The following PTPRD variants were observed in gnomAD, a reference collection of about 807,000 sequenced individuals.
The protein encoded by PTPRD is receptor-type tyrosine-protein phosphatase delta.
In PTPRD, 34 loss-of-function variants were observed where a neutral mutation model predicts 214.5. The ratio of observed to expected loss-of-function variants is 0.16; its 90% CI spans 0.12 to 0.21. The LOEUF is 0.21. PTPRD is among the 10% of genes least tolerant of loss of function. The probability of loss-of-function intolerance (pLI) is 1.00; values close to 1 mark genes in which losing one functional copy is unlikely to be tolerated. For missense variants in PTPRD, 2,545 were observed against 2,398.7 expected (o/e 1.06, Z -1.27); for synonymous variants, 1,128 against 845.7 (o/e 1.33, Z -5.79).
At chr9:9,835,596 T>A (rs1190001660) in intron 5 of PTPRD, among the ~76,000 whole-genome samples, 1 of 152,136 alleles carries the variant, frequency 6.6e-6, no homozygotes, top group Non-Finnish European at 1.5e-5. Context: ...CTCATCTTCT[T>A]TTGACAAATA....
chr9:8,562,515 C>A (rs889915161), intron 14 of PTPRD, among the ~76,000 whole-genome samples: 1 of 152,052 alleles, frequency 6.6e-6, no homozygotes, highest in African/African-American at 2.4e-5. Context: ...CAGCTCCCTG[C>A]AACCTCGAAC....
At chr9:10,073,426 A>G (rs1259004399) in intron 3 of PTPRD, among the ~76,000 whole-genome samples, 5 of 152,166 alleles carry the variant, frequency 3.3e-5, no homozygotes, top group Non-Finnish European at 7.4e-5. Flanking sequence ...TGTCACAGCC[A>G]AGAGGAGCCT....
At chr9:8,339,824 T>G (rs1171797117) in intron 42 of PTPRD, among the ~76,000 whole-genome samples, 1 of 136,818 alleles carries the variant, frequency 7.3e-6, no homozygotes, top group East Asian at 2.1e-4. Flanking sequence ...AATACTATTT[T>G]ATGTGTATTT....
chr9:9,060,037 A>G (rs1001368985), intron 10 of PTPRD, among the ~76,000 whole-genome samples: 10 of 152,294 alleles, frequency 6.6e-5, no homozygotes, highest in African/African-American at 2.4e-4. Context: ...GTTTGTATGT[A>G]TTGTTGGCAC....
chr9:8,726,072 T>G (rs1013011337), intron 12 of PTPRD, among the ~76,000 whole-genome samples: 2 of 145,808 alleles, frequency 1.4e-5, no homozygotes, highest in Non-Finnish European at 3.0e-5. Flanking sequence ...CACAGTTTAG[T>G]GAAGAAATAA....
intron 7 of PTPRD, among the ~76,000 whole-genome samples, chr9:9,635,482 T>C (rs1040989761): frequency 3.9e-5 from 6 of 152,160 alleles, no homozygotes; most frequent in East Asian, 1.9e-4. Flanking sequence ...CCAAGAGTGA[T>C]TGGTCACTCA....
At position 10,276,872 on chromosome 9, in the gene PTPRD, T is replaced by C. The variant is rs533558576; in HGVS notation, c.-545+64091A>G. Among the ~76,000 whole-genome samples, 11 of 152,338 alleles carry C rather than the reference T, an allele frequency of 7.2e-5. No homozygotes were observed. The South Asian group carries it at 2.3e-3, about 32-fold the overall frequency. On this transcript the variant is annotated intron_variant, in intron 3 of 45. Coordinates refer to ENST00000381196, the MANE Select transcript of PTPRD (RefSeq NM_002839.4). ...AGATCACCATGACTTTCTCTGCTCTTCTTTGAGTACACAAACTATACAAAG... is the reference window on the plus strand; with the variant it reads ...AGATCACCATGACTTTCTCTGCTCTCCTTTGAGTACACAAACTATACAAAG...
At chr9:8,964,613 C>A (rs560055139) in intron 11 of PTPRD, among the ~76,000 whole-genome samples, 4 of 151,728 alleles carry the variant, frequency 2.6e-5, no homozygotes, top group African/African-American at 9.7e-5. Flanking sequence ...TTGGTTTTGT[C>A]TTGTTTTTCT....
intron 2 of PTPRD, among the ~76,000 whole-genome samples, chr9:10,438,783 T>C (rs1271687310): frequency 4.6e-5 from 7 of 151,720 alleles, no homozygotes; most frequent in African/African-American, 7.3e-5. Context: ...CTCCTTATAG[T>C]AGAGAGCTCA....
intron 3 of PTPRD, among the ~76,000 whole-genome samples, chr9:10,132,946 C>A (rs1048743434): frequency 1.1e-4 from 8 of 73,374 alleles, no homozygotes; most frequent in Non-Finnish European, 1.7e-4. Flanking sequence ...TGATATGTCA[C>A]TTCCAAGATT....
Position 9,260,739 on chromosome 9 carries a change from G to A in PTPRD, c.-202-77376C>T, listed in dbSNP as rs191401161. Reference sequence around the variant, plus strand: ...TTCAATTAATAGAATAGAATAGTGCGGGTGAAATAAAATGGTAGACGACAC... The same window carrying A: ...TTCAATTAATAGAATAGAATAGTGCAGGTGAAATAAAATGGTAGACGACAC... On this transcript the variant is annotated intron_variant, in intron 9 of 45. Transcript: ENST00000381196. 3.1e-3 allele frequency among the ~76,000 whole-genome samples: 464 copies of A among 151,876 alleles called. 3 individuals are homozygous for A. The highest frequency in any genetic ancestry group is 3.9e-3 in the Admixed American group (59 of 15,224).
intron 5 of PTPRD, among the ~76,000 whole-genome samples, chr9:9,846,868 C>T (rs1430976259): frequency 6.6e-6 from 1 of 151,952 alleles, no homozygotes; most frequent in Non-Finnish European, 1.5e-5. Flanking sequence ...TTTAAGCCCA[C>T]AGGAGAATTA....
In PTPRD at chr9:8,986,994, C is replaced by T. The variant is rs543909894; in HGVS notation, c.-104+31703G>A. Among the ~76,000 whole-genome samples the T allele has an allele frequency of 1.9e-3, 285 of 152,040 alleles. 1 individual carries two copies. Among genetic ancestry groups the T allele is most frequent in the Non-Finnish European group, 3.0e-3 (202 of 67,976 alleles). On this transcript the variant is annotated intron_variant, in intron 11 of 45. Coordinates refer to ENST00000381196, the MANE Select transcript of PTPRD (RefSeq NM_002839.4). Reference sequence around the variant, plus strand: ...TCTTTTCCTGTGAATTGCTTGCTTCCTGGTTTATATTTGTTATTTGCAACC... The same window carrying T: ...TCTTTTCCTGTGAATTGCTTGCTTCTTGGTTTATATTTGTTATTTGCAACC...
chr9:9,467,536 G>A (rs13300057), intron 8 of PTPRD, among the ~76,000 whole-genome samples: 10,449 of 134,288 alleles, frequency 0.078, 447 homozygotes, highest in Middle Eastern at 0.11. Context: ...GCAGTGAGCC[G>A]AGATTGTGCC....
At chr9:9,173,235 A>G (rs1024489362) in intron 10 of PTPRD, among the ~76,000 whole-genome samples, 1 of 152,094 alleles carries the variant, frequency 6.6e-6, no homozygotes, top group Non-Finnish European at 1.5e-5. Context: ...ACTCAGTTCA[A>G]AATTTGAATA....
chr9:9,226,472 G>C (rs936134953), intron 9 of PTPRD, among the ~76,000 whole-genome samples: 2 of 151,918 alleles, frequency 1.3e-5, no homozygotes, highest in African/African-American at 4.8e-5. Context: ...ACTCAGCCCA[G>C]GGAATTTAGT....
chr9:10,316,128 T>C lies in PTPRD; in HGVS notation c.-545+24835A>G, dbSNP rs556429357. On this transcript the variant is annotated intron_variant, in intron 3 of 45. Coordinates refer to ENST00000381196, the MANE Select transcript of PTPRD (RefSeq NM_002839.4). Reference sequence around the variant, plus strand: ...GTGTATGTGTCTATATATATATATATACATATATACACATACATATGTATA... The same window carrying C: ...GTGTATGTGTCTATATATATATATACACATATATACACATACATATGTATA... Among the ~76,000 whole-genome samples the C allele has an allele frequency of 9.6e-4, 138 of 144,130 alleles. 1 individual carries two copies. Among genetic ancestry groups the C allele is most frequent in the African/African-American group, 2.0e-3 (76 of 38,414 alleles). 94.6% of individuals were successfully genotyped at this position (144,130 alleles called of 152,430 possible).
chr9:9,074,400 G>A (rs1246397844), intron 10 of PTPRD, among the ~76,000 whole-genome samples: 2 of 152,002 alleles, frequency 1.3e-5, no homozygotes, highest in African/African-American at 2.4e-5. Flanking sequence ...AATTTTGGTG[G>A]AACACTCACT....
At chr9:10,516,577 T>C (rs1363492372) in intron 2 of PTPRD, among the ~76,000 whole-genome samples, 1 of 152,040 alleles carries the variant, frequency 6.6e-6, no homozygotes. Context: ...TTTAGTTTTA[T>C]GTAGACATAC....
Sources: allele counts gnomAD v4.1 joint callset (sites outside exome capture counted in the v4.1 genomes callset), GRCh38; gene constraint gnomAD v4.1.1; transcripts MANE v1.5; gene names NCBI Gene and HGNC (gene_info 2026-07-23, HGNC 2026-07-21).